LOC128462377: variants seen among roughly 807,000 people sequenced by gnomAD.
chr16:89,387,621 C>T, the LOC128462377 span, among the ~76,000 whole-genome samples: 4 of 146,122 alleles, frequency 2.7e-5, no homozygotes, highest in South Asian at 4.3e-4. Flanking sequence ...TGCAGTGAGC[C>T]GAGACTGCAC....
the LOC128462377 span, among the ~76,000 whole-genome samples, chr16:89,330,564 G>A: frequency 1.3e-5 from 2 of 151,416 alleles, no homozygotes; most frequent in Non-Finnish European, 2.9e-5. Context: ...TGGTGTGGGG[G>A]GGAGCCACGG....
At chr16:89,357,968 T>C in the LOC128462377 span, among the ~76,000 whole-genome samples, 1 of 152,264 alleles carries the variant, frequency 6.6e-6, no homozygotes. Context: ...GATTTAGTTA[T>C]GATGCTCAAT....
chr16:89,368,938 T>A, the LOC128462377 span, among the ~76,000 whole-genome samples: 1 of 152,190 alleles, frequency 6.6e-6, no homozygotes, highest in South Asian at 2.1e-4. Context: ...AAAGAGGCAG[T>A]GGGACTCTAA....
At chr16:89,344,190 G>A in the LOC128462377 span, among the ~76,000 whole-genome samples, 1 of 152,180 alleles carries the variant, frequency 6.6e-6, no homozygotes, top group Non-Finnish European at 1.5e-5. Flanking sequence ...CAGATTCCCA[G>A]CCCCTAAGTC....
At chr16:89,349,130 A>G in the LOC128462377 span, among the ~76,000 whole-genome samples, 1 of 133,800 alleles carries the variant, frequency 7.5e-6, no homozygotes, top group Admixed American at 7.7e-5. Context: ...ACTGTCTCAA[A>G]AAGTAAAAAA....
chr16:89,414,458 T>C, the LOC128462377 span, among the ~76,000 whole-genome samples: 1 of 152,164 alleles, frequency 6.6e-6, no homozygotes, highest in African/African-American at 2.4e-5. Flanking sequence ...AACCCTTCTG[T>C]TTTGCCAAGA....
the LOC128462377 span, among the ~76,000 whole-genome samples, chr16:89,355,479 C>A: frequency 1.4e-3 from 216 of 152,278 alleles, 1 homozygote; most frequent in African/African-American, 4.9e-3. Flanking sequence ...GAATTCAAAG[C>A]CATTTCAAAG....
At chr16:89,334,144 T>TAAAAA in the LOC128462377 span, among the ~76,000 whole-genome samples, 48 of 41,410 alleles carry the variant, frequency 1.2e-3, 8 homozygotes, top group African/African-American at 4.1e-3. Flanking sequence ...CCCTGTGTTT[T>TAAAAA]AAAAAAAAAA....
the LOC128462377 span, among the ~76,000 whole-genome samples, chr16:89,407,455 G>A: frequency 4.6e-5 from 7 of 152,082 alleles, no homozygotes; most frequent in Non-Finnish European, 8.8e-5. Context: ...CAGGGCCCCT[G>A]CCCCAAGCCA....
chr16:89,332,144 A>C, the LOC128462377 span, among the ~76,000 whole-genome samples: 1 of 152,148 alleles, frequency 6.6e-6, no homozygotes, highest in African/African-American at 2.4e-5. Flanking sequence ...AAAAGATAAT[A>C]ATCTTAAAAG....
chr16:89,375,248 T>C, the LOC128462377 span, among the ~76,000 whole-genome samples: 1 of 152,158 alleles, frequency 6.6e-6, no homozygotes, highest in Non-Finnish European at 1.5e-5. Context: ...CGTCTCCGCG[T>C]GAGCAGCTGG....
the LOC128462377 span, among the ~76,000 whole-genome samples, chr16:89,330,559 TG>T: frequency 6.9e-6 from 1 of 144,290 alleles, no homozygotes; most frequent in Non-Finnish European, 1.5e-5. Context: ...TGGGGTGGTG[TG>T]GGGGGGAGCC....
the LOC128462377 span, among the ~76,000 whole-genome samples, chr16:89,319,592 G>A: frequency 9.2e-5 from 14 of 152,306 alleles, no homozygotes; most frequent in East Asian, 3.9e-4. Context: ...CGATGGCAGC[G>A]ATGTGCTCGA....
the LOC128462377 span, among the ~76,000 whole-genome samples, chr16:89,345,396 C>T: frequency 6.6e-6 from 1 of 152,152 alleles, no homozygotes; most frequent in Admixed American, 6.5e-5. Flanking sequence ...GGTGGACGAA[C>T]GCTGGCTGCT....
the LOC128462377 span, among the ~76,000 whole-genome samples, chr16:89,320,947 T>C: frequency 6.6e-6 from 1 of 152,204 alleles, no homozygotes; most frequent in African/African-American, 2.4e-5. Flanking sequence ...GGAACAACGA[T>C]GGCCTGCTCC....
the LOC128462377 span, among the ~76,000 whole-genome samples, chr16:89,367,102 C>T: frequency 1.2e-4 from 18 of 152,210 alleles, no homozygotes; most frequent in African/African-American, 4.3e-4. Flanking sequence ...CACCCCGAGA[C>T]TCACCGGATA....
At chr16:89,353,385 G>C in the LOC128462377 span, among the ~76,000 whole-genome samples, 1 of 151,816 alleles carries the variant, frequency 6.6e-6, no homozygotes, top group Non-Finnish European at 1.5e-5. Context: ...AGTAAACAAA[G>C]TTTCTATTTA....
At chr16:89,331,627 A>C in the LOC128462377 span, among the ~76,000 whole-genome samples, 1 of 151,966 alleles carries the variant, frequency 6.6e-6, no homozygotes, top group South Asian at 2.1e-4. Context: ...AGAGATTTAT[A>C]GATATGTATT....
At chr16:89,358,759 G>A in the LOC128462377 span, among the ~76,000 whole-genome samples, 49 of 152,134 alleles carry the variant, frequency 3.2e-4, no homozygotes, top group East Asian at 7.9e-3. Context: ...ATAACCCCAC[G>A]TGCAAACCAC....
Sources: gnomAD v4.1 joint callset for allele counts (sites outside exome capture counted in the v4.1 genomes callset) on GRCh38, gnomAD v4.1.1 for gene constraint, MANE v1.5 for transcripts.